Variants in CLSTN2 observed in about 807,000 individuals in gnomAD.
CLSTN2 encodes calsyntenin 2.
Under a neutral mutation model 101.2 loss-of-function variants are expected in CLSTN2, and 48 were observed. That is an observed-to-expected ratio of 0.47 (90% CI 0.38 to 0.60). The LOEUF (loss-of-function observed/expected upper bound fraction) is 0.60, where lower values mean the gene tolerates loss of function less well. Among genes scored for constraint, CLSTN2 ranks in the 20% least tolerant of loss-of-function variants. The pLI is 0.00. For synonymous variants in CLSTN2, 481 were observed against 463.6 expected (o/e 1.04, Z -0.48); for missense variants, 1,160 against 1,238.2 (o/e 0.94, Z 0.95).
intron 8 of CLSTN2, among the ~76,000 whole-genome samples, chr3:140,477,188 T>G (rs1398776330): frequency 6.6e-6 from 1 of 152,242 alleles, no homozygotes; most frequent in Non-Finnish European, 1.5e-5. Context: ...CCATCCTTAA[T>G]GTCTAAACAT....
At chr3:140,114,073 G>A (rs895525696) in intron 1 of CLSTN2, among the ~76,000 whole-genome samples, 1 of 152,080 alleles carries the variant, frequency 6.6e-6, no homozygotes, top group African/African-American at 2.4e-5. Flanking sequence ...CCATCTTCTT[G>A]CTGGAGTTCA....
chr3:140,464,281 C>T lies in CLSTN2; in HGVS notation c.1223-2329C>T, dbSNP rs747407140. On this transcript the variant is annotated intron_variant, in intron 7 of 16. Transcript: ENST00000458420. ...TTCCCTATTGTGGGCCACCAAGCCACGGGTAAAGACTGAGTGGAGAAGAGG... is the reference window on the plus strand; with the variant it reads ...TTCCCTATTGTGGGCCACCAAGCCATGGGTAAAGACTGAGTGGAGAAGAGG... Among the ~76,000 whole-genome samples, 10 of 152,112 alleles carry T rather than the reference C, an allele frequency of 6.6e-5. No individual in the cohort carries two copies. In the South Asian group the frequency reaches 1.0e-3, roughly 16 times the overall value.
chr3:140,396,448 CTT>C (rs2088184140), intron 2 of CLSTN2, among the ~76,000 whole-genome samples: 2 of 152,112 alleles, frequency 1.3e-5, no homozygotes, highest in Non-Finnish European at 2.9e-5. Flanking sequence ...AGGTGTGTGA[CTT>C]TTCTTCAATA....
Position 140,459,637 on chromosome 3 carries a change from G to A in CLSTN2, c.1090G>A (p.Ala364Thr), listed in dbSNP as rs776139110. 7.4e-6 allele frequency: 12 copies of A among 1,614,010 alleles called. No homozygotes were observed. The highest frequency in any genetic ancestry group is 1.1e-5 in the South Asian group (1 of 91,078). The part of the protein sequence containing the change: ...MIFKFDGRQG[A>T]KVPDGIVPKN... Reference sequence around the variant, plus strand: ...CTTCAAGTTTGACGGCAGGCAGGGTGCCAAAGTCCCCGATGGGATTGTGCC... The same window carrying A: ...CTTCAAGTTTGACGGCAGGCAGGGTACCAAAGTCCCCGATGGGATTGTGCC... Residue 364 changes from alanine to threonine, a missense_variant, in exon 7 of 17, where the codon GCC (alanine) becomes ACC (threonine). Transcript: ENST00000458420.
chr3:140,088,856 A>T (rs979886373), intron 1 of CLSTN2, among the ~76,000 whole-genome samples: 2 of 152,208 alleles, frequency 1.3e-5, no homozygotes, highest in African/African-American at 4.8e-5. Context: ...TCACATTCTC[A>T]TATTTTCTTT....
chr3:140,040,482 G>A (rs1298040278), intron 1 of CLSTN2, among the ~76,000 whole-genome samples: 1 of 151,938 alleles, frequency 6.6e-6, no homozygotes, highest in African/African-American at 2.4e-5. Context: ...CCCCTGGCAA[G>A]CATTCTCATA....
intron 5 of CLSTN2, among the ~76,000 whole-genome samples, chr3:140,427,538 C>T (rs1234008906): frequency 6.6e-6 from 1 of 151,874 alleles, no homozygotes; most frequent in Non-Finnish European, 1.5e-5. Flanking sequence ...GCTTAGGAGA[C>T]AGGTATGTGC....
intron 1 of CLSTN2, among the ~76,000 whole-genome samples, chr3:139,963,174 CTG>C (rs1271747608): frequency 6.6e-6 from 1 of 152,116 alleles, no homozygotes; most frequent in Non-Finnish European, 1.5e-5. Context: ...AAGGGACACT[CTG>C]TGCACACAAG....
At chr3:140,384,094 C>T (rs1379861326) in intron 2 of CLSTN2, among the ~76,000 whole-genome samples, 2 of 152,050 alleles carry the variant, frequency 1.3e-5, no homozygotes, top group Non-Finnish European at 2.9e-5. Flanking sequence ...TTTACATTGG[C>T]TTTTTGTTGC....
intron 8 of CLSTN2, among the ~76,000 whole-genome samples, chr3:140,530,764 C>A (rs554304828): frequency 1.2e-3 from 188 of 152,320 alleles, no homozygotes; most frequent in African/African-American, 4.4e-3. Flanking sequence ...TGGTTCTTGG[C>A]ACTCTACCTA....
At chr3:140,088,396 A>G (rs2008714630) in intron 1 of CLSTN2, among the ~76,000 whole-genome samples, 1 of 152,192 alleles carries the variant, frequency 6.6e-6, no homozygotes, top group Non-Finnish European at 1.5e-5. Context: ...CTTTTATGTG[A>G]CACCTGGACA....
intron 8 of CLSTN2, among the ~76,000 whole-genome samples, chr3:140,485,917 G>A (rs190358459): frequency 1.2e-4 from 18 of 152,052 alleles, no homozygotes; most frequent in Admixed American, 4.6e-4. Context: ...CAGGTGAGGC[G>A]ATGCCTCACC....
At chr3:140,060,614 T>A (rs943145240) in intron 1 of CLSTN2, among the ~76,000 whole-genome samples, 3 of 152,284 alleles carry the variant, frequency 2.0e-5, no homozygotes, top group African/African-American at 4.8e-5. Flanking sequence ...GCCCAGTGGA[T>A]ACCTGGCTCA....
rs1175500605 is a variant in CLSTN2 at position 140,086,510 on chromosome 3, G to A, written c.110-89441G>A. ...ATATGTGCAGGGTGCTTGGAATGGTGCCTGGCACATAAGTGCAACGTAAGT... is the reference window on the plus strand; with the variant it reads ...ATATGTGCAGGGTGCTTGGAATGGTACCTGGCACATAAGTGCAACGTAAGT... On this transcript the variant is annotated intron_variant, in intron 1 of 16. Transcript: ENST00000458420. Among the ~76,000 whole-genome samples, 3 of 152,132 alleles carry A rather than the reference G, an allele frequency of 2.0e-5. No homozygotes were observed. The East Asian group carries it at 5.8e-4, about 29-fold the overall frequency.
At chr3:140,529,281 A>G (rs1935206836) in intron 8 of CLSTN2, among the ~76,000 whole-genome samples, 1 of 152,208 alleles carries the variant, frequency 6.6e-6, no homozygotes, top group Non-Finnish European at 1.5e-5. Context: ...GCTATGCTGC[A>G]GCTGCCTGCC....
intron 5 of CLSTN2, among the ~76,000 whole-genome samples, chr3:140,436,934 A>G (rs564874082): frequency 1.3e-5 from 2 of 152,192 alleles, no homozygotes; most frequent in East Asian, 3.9e-4. Context: ...TGTGTTCCCC[A>G]GTGCCAGTGT....
At position 140,384,567 on chromosome 3, in the gene CLSTN2, A is replaced by G. The variant is rs143262486; in HGVS notation, c.233-19062A>G. Among the ~76,000 whole-genome samples, 334 of 152,266 alleles carry G rather than the reference A, an allele frequency of 2.2e-3. 4 individuals are homozygous for G. The highest frequency in any genetic ancestry group is 7.6e-3 in the African/African-American group (315 of 41,550). ...GAGGTGCCCAGGGGTCGCCTGGTGC[A>G]TGTTTAAGAAAGTCCCTTCATTTTC... On this transcript the variant is annotated intron_variant, in intron 2 of 16. Coordinates refer to ENST00000458420, the MANE Select transcript of CLSTN2 (RefSeq NM_022131.3).
At chr3:140,293,282 G>T (rs1440756116) in intron 2 of CLSTN2, among the ~76,000 whole-genome samples, 1 of 152,174 alleles carries the variant, frequency 6.6e-6, no homozygotes, top group South Asian at 2.1e-4. Context: ...CACTCAGTGG[G>T]CAGCACGGAG....
intron 1 of CLSTN2, among the ~76,000 whole-genome samples, chr3:140,143,231 G>A (rs1167419504): frequency 6.6e-6 from 1 of 152,142 alleles, no homozygotes; most frequent in Non-Finnish European, 1.5e-5. Context: ...CTGTTTTTGT[G>A]TGCATGTGTG....
Sources: allele counts gnomAD v4.1 joint callset (sites outside exome capture counted in the v4.1 genomes callset), GRCh38; gene constraint gnomAD v4.1.1; transcripts MANE v1.5; gene names NCBI Gene and HGNC (gene_info 2026-07-23, HGNC 2026-07-21).